PDE1C: variants seen among roughly 807,000 people sequenced by gnomAD.
The protein encoded by PDE1C is phosphodiesterase 1C.
A neutral mutation model predicts 93.1 loss-of-function variants in PDE1C; 62 were observed. That is an observed-to-expected ratio of 0.67 (90% CI 0.54 to 0.82). The LOEUF (loss-of-function observed/expected upper bound fraction) is 0.82. Among genes scored for constraint, PDE1C ranks in the 40% least tolerant of loss-of-function variants. The pLI, the probability that PDE1C is intolerant of heterozygous loss-of-function variation, is 0.00. For synonymous variants in PDE1C, 325 were observed against 310.1 expected (o/e 1.05, Z -0.50); for missense variants, 742 against 884.6 (o/e 0.84, Z 2.04).
the PDE1C span, among the ~76,000 whole-genome samples, chr7:31,628,807 A>T: frequency 6.6e-6 from 1 of 152,164 alleles, no homozygotes; most frequent in African/African-American, 2.4e-5. Flanking sequence ...TAACTACGAA[A>T]TGTGAGGAAA....
the PDE1C span, among the ~76,000 whole-genome samples, chr7:31,648,388 T>C: frequency 1.3e-5 from 2 of 152,148 alleles, no homozygotes. Context: ...AGGGTTTTTA[T>C]TTATTTTTTT....
At chr7:32,273,702 G>A (rs191590636) in intron 1 of PDE1C, among the ~76,000 whole-genome samples, 166 of 152,308 alleles carry the variant, frequency 1.1e-3, no homozygotes, top group Non-Finnish European at 1.4e-3. Context: ...ACCGATTTGT[G>A]GGGGTACCGC....
the PDE1C span, among the ~76,000 whole-genome samples, chr7:31,744,479 C>T: frequency 4.6e-5 from 7 of 152,150 alleles, no homozygotes; most frequent in Non-Finnish European, 1.0e-4. Flanking sequence ...CACCAGGTGG[C>T]AGTGCAGCCT....
chr7:31,869,905 T>C (rs1205420314), intron 6 of PDE1C, among the ~76,000 whole-genome samples: 3 of 151,870 alleles, frequency 2.0e-5, no homozygotes, highest in Non-Finnish European at 4.4e-5. Flanking sequence ...CAAAATAATA[T>C]CAAGTGTCTT....
intron 1 of PDE1C, among the ~76,000 whole-genome samples, chr7:32,398,110 G>A (rs1246232634): frequency 4.0e-5 from 6 of 150,680 alleles, no homozygotes; most frequent in Admixed American, 1.3e-4. Flanking sequence ...CCGAGATCGC[G>A]CCACTGCACT....
chr7:31,820,887 T>G (rs1011429536), intron 14 of PDE1C: 5 of 152,052 alleles, frequency 3.3e-5, no homozygotes, highest in Admixed American at 6.6e-5. Context: ...TGCAGGCTGC[T>G]TTCTCAGTGC....
chr7:31,866,160 G>T (rs1034969103), intron 6 of PDE1C, among the ~76,000 whole-genome samples: 1 of 152,084 alleles, frequency 6.6e-6, no homozygotes, highest in African/African-American at 2.4e-5. Context: ...ATAAGGCTAG[G>T]GGAAAAGGAG....
the PDE1C span, among the ~76,000 whole-genome samples, chr7:31,678,148 G>T: frequency 6.6e-6 from 1 of 151,946 alleles, no homozygotes; most frequent in Non-Finnish European, 1.5e-5. Flanking sequence ...GCTCATAAAG[G>T]GGTGACATCA....
chr7:32,024,764 ATGT>A (rs1789178797), intron 2 of PDE1C, among the ~76,000 whole-genome samples: 1 of 152,130 alleles, frequency 6.6e-6, no homozygotes, highest in African/African-American at 2.4e-5. Context: ...CAGGGCTGAA[ATGT>A]TGTAGCATTT....
intron 17 of PDE1C, among the ~76,000 whole-genome samples, chr7:31,763,761 C>T (rs1562755541): frequency 2.0e-5 from 3 of 152,080 alleles, no homozygotes; most frequent in South Asian, 4.1e-4. Context: ...ATTGCTGCCT[C>T]GTGATAGCGC....
chr7:32,102,857 G>A (rs1002638145), intron 3 of PDE1C, among the ~76,000 whole-genome samples: 3 of 152,168 alleles, frequency 2.0e-5, no homozygotes, highest in Non-Finnish European at 4.4e-5. Flanking sequence ...ATGCATACAC[G>A]GAGGCCTCTC....
chr7:31,922,791 A>T (rs571932963), intron 2 of PDE1C, among the ~76,000 whole-genome samples: 3 of 152,354 alleles, frequency 2.0e-5, no homozygotes, highest in African/African-American at 7.2e-5. Flanking sequence ...AAAGAAAAAA[A>T]TGTCAATTTT....
chr7:31,803,978 C>G (rs1442910382), intron 16 of PDE1C, among the ~76,000 whole-genome samples: 1 of 151,960 alleles, frequency 6.6e-6, no homozygotes, highest in Admixed American at 6.6e-5. Flanking sequence ...GCCACACTGA[C>G]TTCCACAATG....
intron 1 of PDE1C, among the ~76,000 whole-genome samples, 164 bp from the exon 2 acceptor site, chr7:32,051,744 G>C (rs1212053672): frequency 6.6e-6 from 1 of 152,184 alleles, no homozygotes. Flanking sequence ...TGGGAATGCT[G>C]TGTTATATTG....
chr7:31,818,990 G>A (rs760484777), intron 14 of PDE1C, among the ~76,000 whole-genome samples: 2 of 152,086 alleles, frequency 1.3e-5, no homozygotes, highest in Non-Finnish European at 2.9e-5. Flanking sequence ...AACTGGTGGC[G>A]GGGGGTATAT....
At chr7:32,062,111 C>T (rs1245625376) in intron 1 of PDE1C, among the ~76,000 whole-genome samples, 2 of 152,120 alleles carry the variant, frequency 1.3e-5, no homozygotes, top group Non-Finnish European at 2.9e-5. Flanking sequence ...AACTCTCTAT[C>T]CCCCATTCAT....
intron 1 of PDE1C, among the ~76,000 whole-genome samples, chr7:32,067,671 G>T (rs1795561698): frequency 6.6e-6 from 1 of 152,156 alleles, no homozygotes; most frequent in South Asian, 2.1e-4. Context: ...CACACATCTT[G>T]CCCATTTCCC....
At chr7:32,198,074 C>A (rs1804743493) in intron 2 of PDE1C, among the ~76,000 whole-genome samples, 1 of 151,966 alleles carries the variant, frequency 6.6e-6, no homozygotes, top group African/African-American at 2.4e-5. Flanking sequence ...TCCTTGTATC[C>A]TATATTCATT....
At chr7:31,632,036 C>T in the PDE1C span, among the ~76,000 whole-genome samples, 3 of 152,166 alleles carry the variant, frequency 2.0e-5, no homozygotes, top group East Asian at 5.8e-4. Context: ...GAAGGTTCCA[C>T]CATGCTCTTT....
Sources: gnomAD v4.1 joint callset for allele counts (sites outside exome capture counted in the v4.1 genomes callset) on GRCh38, gnomAD v4.1.1 for gene constraint, MANE v1.5 for transcripts, NCBI Gene and HGNC (gene_info 2026-07-23, HGNC 2026-07-21) for gene names.